GRIK4: variants seen among roughly 807,000 people sequenced by gnomAD.
GRIK4 encodes the protein glutamate receptor ionotropic, kainate 4.
Under a neutral mutation model 104.9 loss-of-function variants are expected in GRIK4, and 40 were observed. The observed-to-expected ratio is 0.38, with a 90% CI of 0.30 to 0.50. The LOEUF is 0.50. GRIK4 is among the 20% of genes least tolerant of loss of function. The probability of loss-of-function intolerance (pLI) is 0.93; values close to 1 mark genes in which losing one functional copy is unlikely to be tolerated. For missense variants in GRIK4, 1,047 were observed against 1,308.1 expected (o/e 0.80, Z 3.08); for synonymous variants, 485 against 524.9 (o/e 0.92, Z 1.04).
rs753839952 is a variant in GRIK4, at chr11:120,660,335, C to T, written c.17C>T (p.Ala6Val). The change falls in exon 3 of 21, where the codon GCG becomes GTG. Residue 6 changes from alanine to valine, a missense_variant. Coordinates refer to ENST00000527524, the MANE Select transcript of GRIK4 (RefSeq NM_014619.5). ...TCATAGAAGATGCCCCGCGTCTCGG[C>T]GCCTTTGGTGCTGCTTCCTGCGTGG... MPRVS[A>V]PLVLLPAWLV... 81 of 1,613,000 alleles carry T rather than the reference C, an allele frequency of 5.0e-5. No homozygotes were observed. The highest frequency in any genetic ancestry group is 3.5e-4 in the Admixed American group (21 of 60,000).
intron 11 of GRIK4, among the ~76,000 whole-genome samples, chr11:120,897,601 CAAA>C (rs56807699): frequency 0.069 from 895 of 12,956 alleles, 15 homozygotes; most frequent in African/African-American, 0.15. Flanking sequence ...GACTCCTTCT[CAAA>C]AAAAAAAAAA....
intron 1 of GRIK4, among the ~76,000 whole-genome samples, chr11:120,547,597 T>G (rs1316569647): frequency 6.6e-6 from 1 of 151,808 alleles, no homozygotes; most frequent in Non-Finnish European, 1.5e-5. Flanking sequence ...TTCAGGGATT[T>G]TTTTTTTTTG....
intron 3 of GRIK4, 44 bp downstream of exon 3, chr11:120,660,444 C>G: frequency 7.0e-7 from 1 of 1,431,410 alleles, no homozygotes; most frequent in Non-Finnish European, 9.8e-7. Flanking sequence ...CCCACTATCC[C>G]AGGTGTCCAC....
intron 1 of GRIK4, among the ~76,000 whole-genome samples, chr11:120,516,991 G>A (rs575542869): frequency 7.8e-6 from 1 of 128,842 alleles, no homozygotes; most frequent in East Asian, 2.1e-4. Context: ...GCTGCCGGGG[G>A]CCAGCTTAAG....
At chr11:120,677,946 G>A (rs142066572) in intron 3 of GRIK4, among the ~76,000 whole-genome samples, 25 of 152,348 alleles carry the variant, frequency 1.6e-4, no homozygotes, top group African/African-American at 6.0e-4. Context: ...GTTTGGTAAT[G>A]TCTGCTATTT....
At chr11:120,740,571 A>G (rs1158818772) in intron 3 of GRIK4, among the ~76,000 whole-genome samples, 2 of 152,218 alleles carry the variant, frequency 1.3e-5, no homozygotes, top group Non-Finnish European at 2.9e-5. Context: ...GTGAACTGCC[A>G]GGAAGTGATC....
At chr11:120,518,735 C>T (rs1484498514) in intron 1 of GRIK4, among the ~76,000 whole-genome samples, 1 of 152,174 alleles carries the variant, frequency 6.6e-6, no homozygotes, top group Non-Finnish European at 1.5e-5. Flanking sequence ...TCTCCTGCCT[C>T]AGCCTCCTGA....
intron 8 of GRIK4, among the ~76,000 whole-genome samples, chr11:120,861,728 A>T (rs1325397511): frequency 6.6e-6 from 1 of 152,118 alleles, no homozygotes; most frequent in Non-Finnish European, 1.5e-5. Context: ...TGCATCTTGT[A>T]TATAACTTGT....
At chr11:120,872,872 C>G (rs1053102479) in intron 9 of GRIK4, 2 of 152,510 alleles carry the variant, frequency 1.3e-5, no homozygotes, top group African/African-American at 4.8e-5. Flanking sequence ...CTTTCCACTC[C>G]TACCACCTCC....
At position 120,601,321 on chromosome 11, in the gene GRIK4, A is replaced by G. The variant is rs539039990; in HGVS notation, c.-158-52364A>G. 7.9e-5 allele frequency among the ~76,000 whole-genome samples: 12 copies of G among 152,108 alleles called. No homozygotes were observed. The South Asian group carries it at 2.1e-3, about 26-fold the overall frequency. ...CTGGGGAGGCTGAGGCAGGAGCATCACTGGAACTCGGGAGGTGGCGGTTGC... is the reference window on the plus strand; with the variant it reads ...CTGGGGAGGCTGAGGCAGGAGCATCGCTGGAACTCGGGAGGTGGCGGTTGC... On this transcript the variant is annotated intron_variant, in intron 1 of 20. Coordinates refer to ENST00000527524, the MANE Select transcript of GRIK4 (RefSeq NM_014619.5).
chr11:120,580,196 GTTC>G (rs1344086494), intron 1 of GRIK4, among the ~76,000 whole-genome samples: 19 of 133,212 alleles, frequency 1.4e-4, no homozygotes, highest in Admixed American at 3.1e-4. Flanking sequence ...GAGTACAAGG[GTTC>G]TTTCTTTCTT....
intron 3 of GRIK4, among the ~76,000 whole-genome samples, chr11:120,727,375 C>T (rs2135385682): frequency 6.6e-6 from 1 of 152,266 alleles, no homozygotes; most frequent in African/African-American, 2.4e-5. Context: ...CAGGAAATCT[C>T]AGAAAGGAAG....
At chr11:120,729,621 C>T (rs1418594259) in intron 3 of GRIK4, among the ~76,000 whole-genome samples, 1 of 152,148 alleles carries the variant, frequency 6.6e-6, no homozygotes, top group East Asian at 1.9e-4. Context: ...GGACTTTTTC[C>T]TATAGAGTTG....
At chr11:120,881,002 A>G (rs139204277) in intron 11 of GRIK4, among the ~76,000 whole-genome samples, 166 of 152,224 alleles carry the variant, frequency 1.1e-3, no homozygotes, top group African/African-American at 3.9e-3. Flanking sequence ...CAGGGCTGGT[A>G]TTGTCATGCT....
intron 1 of GRIK4, among the ~76,000 whole-genome samples, chr11:120,578,291 G>A (rs1026574540): frequency 2.0e-5 from 3 of 152,180 alleles, no homozygotes; most frequent in African/African-American, 7.2e-5. Flanking sequence ...CCTAGGGAGA[G>A]GAAAGGGGAG....
chr11:120,588,051 A>G (rs545481774), intron 1 of GRIK4, among the ~76,000 whole-genome samples: 55 of 152,240 alleles, frequency 3.6e-4, no homozygotes, highest in Non-Finnish European at 6.6e-4. Context: ...CCAGACTGTG[A>G]GCTGTGACAC....
chr11:120,545,723 T>G (rs552286606), intron 1 of GRIK4, among the ~76,000 whole-genome samples: 1 of 152,302 alleles, frequency 6.6e-6, no homozygotes, highest in East Asian at 1.9e-4. Context: ...AACTGTTGAT[T>G]GAGTTTCACC....
At chr11:120,630,817 A>T (rs1247765321) in intron 1 of GRIK4, among the ~76,000 whole-genome samples, 1 of 152,202 alleles carries the variant, frequency 6.6e-6, no homozygotes, top group Non-Finnish European at 1.5e-5. Flanking sequence ...TAGAGTCCTG[A>T]CTGGGTTCTA....
intron 3 of GRIK4, among the ~76,000 whole-genome samples, chr11:120,772,231 CA>C (rs929732976): frequency 6.6e-6 from 1 of 151,394 alleles, no homozygotes; most frequent in African/African-American, 2.4e-5. Flanking sequence ...AACAAACAAA[CA>C]AAAAACAAAA....
Sources: allele counts gnomAD v4.1 joint callset (sites outside exome capture counted in the v4.1 genomes callset), GRCh38; gene constraint gnomAD v4.1.1; transcripts MANE v1.5; gene names NCBI Gene and HGNC (gene_info 2026-07-23, HGNC 2026-07-21).